GPC5: variants seen among roughly 807,000 people sequenced by gnomAD.
GPC5 encodes glypican-5.
Under a neutral mutation model 53.9 loss-of-function variants are expected in GPC5, and 47 were observed. The ratio of observed to expected loss-of-function variants is 0.87; its 90% CI spans 0.69 to 1.11. GPC5 has a LOEUF of 1.11. Among genes scored for constraint, GPC5 ranks in the 50% most tolerant of loss-of-function variants. The pLI, the probability that GPC5 is intolerant of heterozygous loss-of-function variation, is 0.00. For synonymous variants in GPC5, 286 were observed against 263.3 expected, an observed-to-expected ratio of 1.09 and a Z score of -0.84; for missense variants, 748 against 713.1, an observed-to-expected ratio of 1.05 and a Z score of -0.56.
chr13:92,247,628 A>G (rs1339072507), intron 7 of GPC5, among the ~76,000 whole-genome samples: 1 of 152,146 alleles, frequency 6.6e-6, no homozygotes, highest in Non-Finnish European at 1.5e-5. Flanking sequence ...ATAGGAGGTG[A>G]TCAAAAGGAC....
At chr13:92,243,337 C>T (rs1185698186) in intron 7 of GPC5, among the ~76,000 whole-genome samples, 2 of 152,086 alleles carry the variant, frequency 1.3e-5, no homozygotes, top group Non-Finnish European at 2.9e-5. Flanking sequence ...AGAGAAATCT[C>T]CCCACTGCAG....
At chr13:91,684,328 T>C (rs1209114433) in intron 2 of GPC5, among the ~76,000 whole-genome samples, 1 of 152,190 alleles carries the variant, frequency 6.6e-6, no homozygotes, top group African/African-American at 2.4e-5. Flanking sequence ...TATCTAATTG[T>C]ATACTGATAC....
intron 3 of GPC5, among the ~76,000 whole-genome samples, chr13:91,712,514 TTCG>T (rs1211829808): frequency 6.6e-6 from 1 of 152,132 alleles, no homozygotes; most frequent in African/African-American, 2.4e-5. Flanking sequence ...ATGTGATATC[TTCG>T]TCATTTGTTG....
intron 2 of GPC5, among the ~76,000 whole-genome samples, chr13:91,665,796 C>G (rs2035098019): frequency 6.6e-6 from 1 of 152,162 alleles, no homozygotes; most frequent in African/African-American, 2.4e-5. Context: ...TGAGCCAAGG[C>G]GCCTGGCCAA....
intron 6 of GPC5, among the ~76,000 whole-genome samples, chr13:91,973,823 C>T (rs1292928809): frequency 6.6e-6 from 1 of 152,166 alleles, no homozygotes; most frequent in Non-Finnish European, 1.5e-5. Flanking sequence ...GCAAATGCTG[C>T]TGCCTGATCA....
intron 7 of GPC5, among the ~76,000 whole-genome samples, chr13:92,810,910 C>T (rs920950867): frequency 6.6e-6 from 1 of 151,654 alleles, no homozygotes; most frequent in Admixed American, 6.6e-5. Context: ...TTAGTAGAGA[C>T]GGGGTTTCAC....
intron 6 of GPC5, among the ~76,000 whole-genome samples, chr13:91,961,065 ACTT>A (rs2040121335): frequency 6.6e-6 from 1 of 151,770 alleles, no homozygotes; most frequent in Non-Finnish European, 1.5e-5. Flanking sequence ...TTAAAAAAAA[ACTT>A]CTCCATAGAA....
chr13:92,381,897 A>AATCATATAT (rs2043747977), intron 7 of GPC5, among the ~76,000 whole-genome samples: 2 of 101,336 alleles, frequency 2.0e-5, no homozygotes, highest in Non-Finnish European at 4.0e-5. Context: ...TATTATATAT[A>AATCATATAT]ATCATATATA....
chr13:92,297,753 A>T (rs969003858), intron 7 of GPC5, among the ~76,000 whole-genome samples: 5 of 152,090 alleles, frequency 3.3e-5, no homozygotes, highest in African/African-American at 9.7e-5. Context: ...AGAGAATAAA[A>T]GCAGGCTGCC....
At chr13:91,893,514 G>T (rs546330351) in intron 5 of GPC5, among the ~76,000 whole-genome samples, 11 of 152,114 alleles carry the variant, frequency 7.2e-5, no homozygotes, top group Non-Finnish European at 1.3e-4. Flanking sequence ...TAAAACATGT[G>T]CATGTGTATG....
At chr13:91,555,418 C>G (rs1477324288) in intron 2 of GPC5, among the ~76,000 whole-genome samples, 2 of 150,892 alleles carry the variant, frequency 1.3e-5, no homozygotes, top group South Asian at 2.1e-4. Context: ...TGACTAACTG[C>G]ACGTGTTTTA....
chr13:92,418,289 A>G (rs117038346), intron 7 of GPC5, among the ~76,000 whole-genome samples: 1 of 152,178 alleles, frequency 6.6e-6, no homozygotes, highest in African/African-American at 2.4e-5. Context: ...GAATACTTCA[A>G]TTGTGAGAAT....
chr13:91,607,731 G>A (rs138676645), intron 2 of GPC5, among the ~76,000 whole-genome samples: 13 of 152,272 alleles, frequency 8.5e-5, no homozygotes, highest in African/African-American at 3.1e-4. Flanking sequence ...CTTCTAGACA[G>A]TGGGAAGTTT....
intron 7 of GPC5, among the ~76,000 whole-genome samples, chr13:92,566,910 T>G (rs911715343): frequency 6.6e-6 from 1 of 152,146 alleles, no homozygotes; most frequent in Admixed American, 6.6e-5. Flanking sequence ...TTTGCTTTTT[T>G]GCTATTATTG....
intron 5 of GPC5, among the ~76,000 whole-genome samples, chr13:91,859,622 T>C (rs1449708428): frequency 6.6e-6 from 1 of 152,002 alleles, no homozygotes; most frequent in African/African-American, 2.4e-5. Flanking sequence ...TCTGTAATGA[T>C]ATTTCTTCTT....
chr13:91,724,313 T>C (rs2036533513), intron 3 of GPC5, among the ~76,000 whole-genome samples: 1 of 152,160 alleles, frequency 6.6e-6, no homozygotes, highest in African/African-American at 2.4e-5. Flanking sequence ...ACCGCCTCTC[T>C]GTTAACACCA....
intron 7 of GPC5, among the ~76,000 whole-genome samples, chr13:92,705,137 C>T (rs1327392726): frequency 6.6e-6 from 1 of 151,886 alleles, no homozygotes; most frequent in Non-Finnish European, 1.5e-5. Flanking sequence ...CTCTAGTGGT[C>T]ATTTTTTTGT....
chr13:92,753,088 C>CTG (rs765689342), intron 7 of GPC5, among the ~76,000 whole-genome samples: 4 of 152,152 alleles, frequency 2.6e-5, no homozygotes, highest in Admixed American at 6.5e-5. Flanking sequence ...TTAAATGTCC[C>CTG]TCTGACAGCT....
intron 2 of GPC5, among the ~76,000 whole-genome samples, chr13:91,606,907 C>T (rs1393195466): frequency 6.6e-6 from 1 of 151,242 alleles, no homozygotes; most frequent in Non-Finnish European, 1.5e-5. Flanking sequence ...AAAAAACCAG[C>T]TCCTGGATTC....
Sources: gnomAD v4.1 joint callset for allele counts (sites outside exome capture counted in the v4.1 genomes callset) on GRCh38, gnomAD v4.1.1 for gene constraint, MANE v1.5 for transcripts, NCBI Gene and HGNC (gene_info 2026-07-23, HGNC 2026-07-21) for gene names.